IL1RAPL1: variants seen among roughly 807,000 people sequenced by gnomAD.
IL1RAPL1 encodes interleukin 1 receptor accessory protein like 1.
In IL1RAPL1, 3 loss-of-function variants were observed where a neutral mutation model predicts 48.4. That is an observed-to-expected ratio of 0.06 (90% CI 0.03 to 0.16). The LOEUF (loss-of-function observed/expected upper bound fraction) is 0.16, where lower values mean the gene tolerates loss of function less well. IL1RAPL1 is among the 10% of genes least tolerant of loss of function. The pLI is 1.00. For missense variants in IL1RAPL1, 349 were observed against 530.6 expected (o/e 0.66, Z 3.36); for synonymous variants, 185 against 187.7 (o/e 0.99, Z 0.12).
intron 6 of IL1RAPL1, among the ~76,000 whole-genome samples, chrX:29,907,764 TAG>T (rs1437608728): frequency 8.9e-6 from 1 of 112,276 alleles, no homozygotes; most frequent in African/African-American, 3.2e-5. Flanking sequence ...TAAATAAATA[TAG>T]ATTTTGTTGA....
chrX:29,538,389 G>T lies in IL1RAPL1; in HGVS notation c.704-130041G>T, dbSNP rs1302682491. Reference sequence around the variant, plus strand: ...AATCTCGCTCTTTCACCTCAGGCTGGAGTGAAGTGGTGATCTCGGCTCACT... The same window carrying T: ...AATCTCGCTCTTTCACCTCAGGCTGTAGTGAAGTGGTGATCTCGGCTCACT... On this transcript the variant is annotated intron_variant, in intron 5 of 10. Coordinates refer to ENST00000378993, the MANE Select transcript of IL1RAPL1 (RefSeq NM_014271.4). 3.0e-5 allele frequency among the ~76,000 whole-genome samples: 3 copies of T among 99,057 alleles called. No homozygotes were observed. The Admixed American group carries it at 3.3e-4, about 11-fold the overall frequency. 86.0% of individuals were successfully genotyped at this position (99,057 alleles called of 115,157 possible).
chrX:29,297,415 C>T lies in IL1RAPL1; in HGVS notation c.362+14198C>T, dbSNP rs537048585. On this transcript the variant is annotated intron_variant, in intron 3 of 10. Coordinates refer to ENST00000378993, the MANE Select transcript of IL1RAPL1 (RefSeq NM_014271.4). ...GTGGCTTCCATTCCCAATGTCACTA[C>T]GTGCTCCTAATACAACTGAAGAACT... is the stretch of plus-strand genomic sequence containing the variant. 7.1e-5 allele frequency among the ~76,000 whole-genome samples: 8 copies of T among 112,497 alleles called. No homozygotes were observed. The East Asian group carries it at 1.1e-3, about 16-fold the overall frequency.
rs928656696 is a variant in IL1RAPL1 at position 28,949,714 on chromosome X, T to C, written c.82+160289T>C. Among the ~76,000 whole-genome samples, 18 of 109,730 alleles carry C rather than the reference T, an allele frequency of 1.6e-4. No homozygotes were observed. The East Asian group carries it at 4.9e-3, about 30-fold the overall frequency. ...GTGATGATGAGCATTTTTTCATGTGTTTTTTGGCTGCATAAATGTCTTCTT... is the reference window on the plus strand; with the variant it reads ...GTGATGATGAGCATTTTTTCATGTGCTTTTTGGCTGCATAAATGTCTTCTT... On this transcript the variant is annotated intron_variant, in intron 2 of 10. Coordinates refer to ENST00000378993, the MANE Select transcript of IL1RAPL1 (RefSeq NM_014271.4).
At chrX:29,417,089 A>T (rs1934226513) in intron 5 of IL1RAPL1, among the ~76,000 whole-genome samples, 1 of 111,666 alleles carries the variant, frequency 9.0e-6, no homozygotes, top group Non-Finnish European at 1.9e-5. Flanking sequence ...AGCTTCTATT[A>T]CTCTTACACT....
intron 1 of IL1RAPL1, among the ~76,000 whole-genome samples, chrX:28,721,464 G>T (rs1326766886): frequency 8.1e-5 from 9 of 111,613 alleles, no homozygotes; most frequent in Non-Finnish European, 1.1e-4. Flanking sequence ...TTGTAAATTT[G>T]TTTGAGTTCT....
At chrX:29,540,290 C>T (rs768449080) in intron 5 of IL1RAPL1, among the ~76,000 whole-genome samples, 5 of 110,035 alleles carry the variant, frequency 4.5e-5, no homozygotes, top group African/African-American at 1.3e-4. Flanking sequence ...ATGTCACAAA[C>T]AAGTGGTGAA....
intron 2 of IL1RAPL1, among the ~76,000 whole-genome samples, chrX:28,935,201 A>G (rs922405407): frequency 1.2e-4 from 13 of 110,571 alleles, no homozygotes; most frequent in African/African-American, 4.3e-4. Context: ...GTCTAATCCA[A>G]GGTCACAAAT....
At chrX:29,475,923 G>A (rs2147742629) in intron 5 of IL1RAPL1, among the ~76,000 whole-genome samples, 1 of 108,575 alleles carries the variant, frequency 9.2e-6, no homozygotes, top group South Asian at 4.1e-4. Flanking sequence ...GTTTTCTTTT[G>A]GAAACTTAGC....
chrX:29,397,319 A>G (rs780049729), intron 4 of IL1RAPL1, among the ~76,000 whole-genome samples: 2 of 112,399 alleles, frequency 1.8e-5, no homozygotes, highest in South Asian at 7.3e-4. Flanking sequence ...CTCATGACAG[A>G]CTGAAGATGA....
intron 2 of IL1RAPL1, among the ~76,000 whole-genome samples, chrX:28,864,529 G>C (rs955574133): frequency 2.0e-4 from 22 of 111,482 alleles, no homozygotes; most frequent in Non-Finnish European, 4.0e-4. Context: ...AACTATTTTA[G>C]ATAGGGTGGT....
intron 1 of IL1RAPL1, among the ~76,000 whole-genome samples, chrX:28,775,387 C>T (rs1249578493): frequency 8.9e-6 from 1 of 112,014 alleles, no homozygotes; most frequent in African/African-American, 3.2e-5. Flanking sequence ...ACTTCAATCT[C>T]TGCCTCCATT....
At chrX:28,730,046 C>G (rs1328339388) in intron 1 of IL1RAPL1, among the ~76,000 whole-genome samples, 1 of 111,611 alleles carries the variant, frequency 9.0e-6, no homozygotes, top group Non-Finnish European at 1.9e-5. Flanking sequence ...GGTGGTTTTC[C>G]TCATTTGTTT....
intron 1 of IL1RAPL1, among the ~76,000 whole-genome samples, chrX:28,632,170 A>G (rs776814855): frequency 1.8e-3 from 206 of 111,808 alleles, no homozygotes; most frequent in Non-Finnish European, 2.7e-3. Flanking sequence ...CTAGAAACCC[A>G]CAATCAAGGT....
chrX:28,894,740 G>C (rs1287083076), intron 2 of IL1RAPL1, among the ~76,000 whole-genome samples: 1 of 110,970 alleles, frequency 9.0e-6, no homozygotes, highest in Admixed American at 9.6e-5. Flanking sequence ...AAACAGTAAG[G>C]TCAAGTTGTT....
At chrX:29,628,601 G>T (rs1400821645) in intron 5 of IL1RAPL1, among the ~76,000 whole-genome samples, 1 of 111,763 alleles carries the variant, frequency 8.9e-6, no homozygotes, top group Admixed American at 9.5e-5. Context: ...GTATTTATAG[G>T]CATGATACCC....
chrX:28,986,243 C>G (rs1328597035), intron 2 of IL1RAPL1, among the ~76,000 whole-genome samples: 1 of 111,973 alleles, frequency 8.9e-6, no homozygotes, highest in Non-Finnish European at 1.9e-5. Context: ...AAACTAGATG[C>G]TAGATCTTAT....
chrX:29,492,873 C>A (rs946953463), intron 5 of IL1RAPL1, among the ~76,000 whole-genome samples: 11 of 111,693 alleles, frequency 9.8e-5, no homozygotes, highest in African/African-American at 2.9e-4. Context: ...TGTGGGGATG[C>A]TGGACTTCTT....
At chrX:29,929,063 G>A (rs898196408) in intron 8 of IL1RAPL1, among the ~76,000 whole-genome samples, 3 of 110,368 alleles carry the variant, frequency 2.7e-5, no homozygotes, top group Non-Finnish European at 5.7e-5. Flanking sequence ...TAAATTGGGA[G>A]GCCAATTTGG....
intron 1 of IL1RAPL1, among the ~76,000 whole-genome samples, chrX:28,639,603 G>A (rs767155984): frequency 9.0e-6 from 1 of 111,652 alleles, no homozygotes; most frequent in African/African-American, 3.2e-5. Context: ...CAGACTCTGA[G>A]CCAGGGATTC....
Sources: allele counts gnomAD v4.1 joint callset (sites outside exome capture counted in the v4.1 genomes callset), GRCh38; gene constraint gnomAD v4.1.1; transcripts MANE v1.5; gene names NCBI Gene and HGNC (gene_info 2026-07-23, HGNC 2026-07-21).